GLI3: variants seen among roughly 807,000 people sequenced by gnomAD.
GLI3 encodes the protein GLI family zinc finger 3.
Under a neutral mutation model 100.8 loss-of-function variants are expected in GLI3, and 20 were observed. The ratio of observed to expected loss-of-function variants is 0.20; its 90% confidence interval spans 0.14 to 0.29. GLI3 has a LOEUF of 0.29. Ranked by LOEUF, GLI3 falls within the 10% of genes least tolerant of loss-of-function variation. The pLI is 1.00. For missense variants in GLI3, 2,040 were observed against 2,128.5 expected (o/e 0.96, Z 0.82); for synonymous variants, 938 against 860.5 (o/e 1.09, Z -1.58).
At chr7:42,242,650 T>C (rs1203171857), upstream of GLI3, among the ~76,000 whole-genome samples, 1 of 152,174 alleles carries the variant, frequency 6.6e-6, no homozygotes, top group Non-Finnish European at 1.5e-5. Context: ...TTCTGAGAGA[T>C]TCCAGTATGC....
chr7:42,129,405 A>T (rs73325671), intron 3 of GLI3, among the ~76,000 whole-genome samples: 7,173 of 152,312 alleles, frequency 0.047, 584 homozygotes, highest in African/African-American at 0.16. Flanking sequence ...TTTCTGCAAG[A>T]TGCATAGTGG....
chr7:42,226,641 T>C (rs992879890), intron 1 of GLI3, among the ~76,000 whole-genome samples: 2 of 152,228 alleles, frequency 1.3e-5, no homozygotes, highest in African/African-American at 4.8e-5. Flanking sequence ...CATTAGTTAG[T>C]ACCTAATTAT....
rs561915340 is a variant in GLI3, at chr7:42,078,830, C to T, written c.368-1973G>A. Among the ~76,000 whole-genome samples the T allele has an allele frequency of 3.3e-5, 5 of 150,586 alleles. No homozygotes were observed. The South Asian group carries it at 6.4e-4, about 19-fold the overall frequency. The stretch of plus-strand genomic sequence containing the variant: ...CTGTGAGCTCCACCTCCCGGGTTCA[C>T]GCCATTCTCCTGCCTCAGCCTCCCA... On this transcript the variant is annotated intron_variant, in intron 3 of 14. Coordinates refer to ENST00000395925, the MANE Select transcript of GLI3 (RefSeq NM_000168.6).
At chr7:42,065,302 A>T (rs1203001527) in intron 4 of GLI3, among the ~76,000 whole-genome samples, 1 of 151,598 alleles carries the variant, frequency 6.6e-6, no homozygotes, top group Admixed American at 6.6e-5. Flanking sequence ...ACCCCTGGTT[A>T]GCTACAATGC....
At chr7:42,038,980 C>T (rs1025166944) in intron 7 of GLI3, among the ~76,000 whole-genome samples, 2 of 152,122 alleles carry the variant, frequency 1.3e-5, no homozygotes, top group Non-Finnish European at 2.9e-5. Flanking sequence ...AAAACAAAGG[C>T]TAGTGAAAAC....
chr7:42,130,256 G>A (rs1025654833), intron 3 of GLI3, among the ~76,000 whole-genome samples: 4 of 152,056 alleles, frequency 2.6e-5, no homozygotes, highest in African/African-American at 9.7e-5. Context: ...ATCCATCCAA[G>A]TTTCCATATG....
In GLI3 at chr7:42,077,431, T is replaced by C. The variant is rs138122800; in HGVS notation, c.368-574A>G. ...CCTTCTTGGCCGGGCTAGGCCTCCA[T>C]AGTCCCCACACAAAGGCAGCAAATC... On this transcript the variant is annotated intron_variant, in intron 3 of 14. Transcript: ENST00000395925. Among the ~76,000 whole-genome samples, 727 of 151,214 alleles carry C rather than the reference T, an allele frequency of 4.8e-3. 6 individuals carry two copies. Among genetic ancestry groups the C allele is most frequent in the African/African-American group, 0.016 (670 of 41,066 alleles).
chr7:42,238,003 G>GCCGCCGCCTCCT, upstream of GLI3: 1 of 140,608 alleles, frequency 7.1e-6, no homozygotes, highest in East Asian at 2.0e-4. Context: ...CGCCGCCGCC[G>GCCGCCGCCTCCT]CCTCCTCCTC....
chr7:42,117,866 A>T (rs73325641), intron 3 of GLI3, among the ~76,000 whole-genome samples: 1 of 152,138 alleles, frequency 6.6e-6, no homozygotes, highest in African/African-American at 2.4e-5. Flanking sequence ...ATATCACTGC[A>T]GATTCCGTGG....
At chr7:42,149,077 AT>A (rs1277838199) in intron 2 of GLI3, among the ~76,000 whole-genome samples, 1 of 152,220 alleles carries the variant, frequency 6.6e-6, no homozygotes, top group Non-Finnish European at 1.5e-5. Flanking sequence ...CAGAAAACTC[AT>A]TGGTGAAAAG....
chr7:42,108,200 C>A (rs1379573637), intron 3 of GLI3, among the ~76,000 whole-genome samples: 1 of 152,182 alleles, frequency 6.6e-6, no homozygotes, highest in East Asian at 1.9e-4. Flanking sequence ...CGCAGAAATA[C>A]GTGGATGCTT....
At chr7:42,178,565 G>A (rs1339144110) in intron 2 of GLI3, among the ~76,000 whole-genome samples, 1 of 152,212 alleles carries the variant, frequency 6.6e-6, no homozygotes, top group Non-Finnish European at 1.5e-5. Flanking sequence ...AAGAAGGGCT[G>A]CACTAGACTG....
chr7:42,046,570 A>T (rs1294087097), intron 5 of GLI3, among the ~76,000 whole-genome samples: 1 of 152,218 alleles, frequency 6.6e-6, no homozygotes, highest in Non-Finnish European at 1.5e-5. Flanking sequence ...TGAACCAGTC[A>T]AAGAATGTGA....
rs369643572 is a variant in GLI3 at position 41,967,736 on chromosome 7, T to G, written c.2291A>C (p.Gln764Pro). The G allele has an allele frequency of 1.9e-6, 3 of 1,614,116 alleles. No homozygotes were observed. The highest frequency in any genetic ancestry group is 1.7e-6 in the Non-Finnish European group (2 of 1,180,054). Reference protein sequence around the residue: ...ISTATTALALQARRNPAGTKW... With the variant: ...ISTATTALALPARRNPAGTKW... Reference sequence around the variant, plus strand: ...GGTCCCTGCCGGGTTTCTCCTGGCTTGCAAAGCAAGGGCTGTGGTTGCAGT... The same window carrying G: ...GGTCCCTGCCGGGTTTCTCCTGGCTGGCAAAGCAAGGGCTGTGGTTGCAGT... Residue 764 changes from glutamine to proline, a missense_variant, in exon 14 of 15, where the codon CAA becomes CCA. This residue lies in a region of GLI3 where 327 missense variants were observed against 338.7 expected (regional missense o/e 0.97). Coordinates refer to ENST00000395925, the MANE Select transcript of GLI3 (RefSeq NM_000168.6).
At chr7:42,065,044 C>T (rs1201070826) in intron 4 of GLI3, among the ~76,000 whole-genome samples, 1 of 152,034 alleles carries the variant, frequency 6.6e-6, no homozygotes, top group African/African-American at 2.4e-5. Context: ...GGTACTTCCC[C>T]AGTTCTTTAA....
intron 10 of GLI3, among the ~76,000 whole-genome samples, chr7:41,992,213 G>T (rs978363559): frequency 1.3e-5 from 2 of 152,228 alleles, no homozygotes; most frequent in Non-Finnish European, 2.9e-5. Flanking sequence ...TAGCCAGGAG[G>T]ATGAATAGTA....
intron 2 of GLI3, among the ~76,000 whole-genome samples, chr7:42,184,193 A>G (rs1249543759): frequency 6.6e-6 from 1 of 152,234 alleles, no homozygotes; most frequent in East Asian, 1.9e-4. Flanking sequence ...GAATAAAACT[A>G]AAATTCCTGC....
At chr7:42,108,677 C>A (rs1243601519) in intron 3 of GLI3, among the ~76,000 whole-genome samples, 1 of 152,124 alleles carries the variant, frequency 6.6e-6, no homozygotes, top group Non-Finnish European at 1.5e-5. Context: ...ATGATTAAGA[C>A]TTCTTTAGCA....
chr7:42,121,592 C>T (rs1786001393), intron 3 of GLI3, among the ~76,000 whole-genome samples: 2 of 152,228 alleles, frequency 1.3e-5, no homozygotes, highest in African/African-American at 4.8e-5. Flanking sequence ...CTCTCTTCCA[C>T]ATTGGTCTTT....
Sources: gnomAD v4.1 joint callset for allele counts (sites outside exome capture counted in the v4.1 genomes callset) on GRCh38, gnomAD v4.1.1 for gene constraint, gnomAD v4.1.1 regional missense constraint, MANE v1.5 for transcripts, NCBI Gene and HGNC (gene_info 2026-07-23, HGNC 2026-07-21) for gene names.